LRRC37A2: variants seen among roughly 807,000 people sequenced by gnomAD.
The protein encoded by LRRC37A2 is leucine-rich repeat-containing protein 37A2.
LRRC37A2 carries 9 observed loss-of-function variants against 68.8 expected under a neutral mutation model. That is an observed-to-expected ratio of 0.13 (90% CI 0.08 to 0.23). The LOEUF is 0.23. Ranked by LOEUF, LRRC37A2 falls within the 10% of genes least tolerant of loss-of-function variation. The pLI is 1.00. For missense variants in LRRC37A2, 168 were observed against 950.4 expected, an observed-to-expected ratio of 0.18 and a Z score of 10.82; for synonymous variants, 63 against 367.6, an observed-to-expected ratio of 0.17 and a Z score of 9.48.
the LRRC37A2 span, among the ~76,000 whole-genome samples, chr17:46,610,304 T>G: frequency 1.4e-5 from 1 of 70,118 alleles, no homozygotes; most frequent in Non-Finnish European, 3.0e-5. Context: ...AACTGGAATC[T>G]CAGCTGTCTT....
chr17:46,717,131 C>T, the LRRC37A2 span, among the ~76,000 whole-genome samples: 1 of 152,124 alleles, frequency 6.6e-6, no homozygotes, highest in Non-Finnish European at 1.5e-5. Context: ...AAATGTGACA[C>T]ATATACACTG....
the LRRC37A2 span, among the ~76,000 whole-genome samples, chr17:46,631,061 T>TACGTACACACACAC: frequency 8.1e-6 from 1 of 122,772 alleles, no homozygotes; most frequent in Non-Finnish European, 1.6e-5. Flanking sequence ...TCTCTCTCTG[T>TACGTACACACACAC]ACACACACAC....
chr17:46,726,248 G>A, the LRRC37A2 span, among the ~76,000 whole-genome samples: 1 of 152,148 alleles, frequency 6.6e-6, no homozygotes, highest in African/African-American at 2.4e-5. Context: ...CTAAAGTCCT[G>A]CTCCTGACAC....
At chr17:46,916,336 C>T in the LRRC37A2 span, among the ~76,000 whole-genome samples, 1 of 152,172 alleles carries the variant, frequency 6.6e-6, no homozygotes, top group South Asian at 2.1e-4. Context: ...CTTCTTGCTC[C>T]ACCCATGGGC....
At chr17:46,844,476 A>G in the LRRC37A2 span, among the ~76,000 whole-genome samples, 3 of 152,146 alleles carry the variant, frequency 2.0e-5, no homozygotes, top group Non-Finnish European at 4.4e-5. Flanking sequence ...CAGTCAGGAC[A>G]CAGTTAATGA....
the LRRC37A2 span, among the ~76,000 whole-genome samples, chr17:46,762,183 C>G: frequency 1.2e-4 from 18 of 152,298 alleles, no homozygotes; most frequent in African/African-American, 4.3e-4. Context: ...TGGCCTTGGG[C>G]CACATCTTTT....
chr17:46,492,689 GTTTTTTTTTTTTTT>G, the LRRC37A2 span, among the ~76,000 whole-genome samples: 5 of 107,840 alleles, frequency 4.6e-5, no homozygotes, highest in Admixed American at 9.5e-5. Flanking sequence ...GTTTTGTTTT[GTTTTTTTTTTTTTT>G]TTTTTTTTGA....
At chr17:46,759,448 A>G in the LRRC37A2 span, among the ~76,000 whole-genome samples, 1 of 152,220 alleles carries the variant, frequency 6.6e-6, no homozygotes, top group Non-Finnish European at 1.5e-5. Context: ...CCAAGGAGGG[A>G]TCATGTTTGA....
chr17:46,502,246 A>G, the LRRC37A2 span, among the ~76,000 whole-genome samples: 1 of 151,060 alleles, frequency 6.6e-6, no homozygotes, highest in Non-Finnish European at 1.5e-5. Context: ...AGATTTATTT[A>G]CTTACTGAAC....
the LRRC37A2 span, chr17:47,017,952 CCTT>C: frequency 6.3e-7 from 1 of 1,589,738 alleles, no homozygotes; most frequent in Non-Finnish European, 8.6e-7. Context: ...TGAGGAAGAA[CCTT>C]CTTCAATGCA....
chr17:46,937,852 T>C, the LRRC37A2 span: 1 of 152,604 alleles, frequency 6.6e-6, no homozygotes, highest in East Asian at 1.9e-4. Flanking sequence ...AGTGACACCA[T>C]TGTTTTCAGT....
the LRRC37A2 span, among the ~76,000 whole-genome samples, chr17:46,805,126 A>G: frequency 5.3e-5 from 8 of 152,122 alleles, no homozygotes; most frequent in African/African-American, 1.4e-4. Flanking sequence ...AACTCCAGAC[A>G]CAGGAAGATT....
the LRRC37A2 span, chr17:46,713,744 G>A: frequency 1.1e-6 from 1 of 926,356 alleles, no homozygotes; most frequent in Non-Finnish European, 1.6e-6. Flanking sequence ...AAATGTTAAT[G>A]AGCAACTAGT....
At chr17:46,923,231 G>T in the LRRC37A2 span, 1 of 1,550,956 alleles carries the variant, frequency 6.4e-7, no homozygotes, top group Non-Finnish European at 8.7e-7. Context: ...AGTGAGGGCC[G>T]GTCGGGGAGC....
At chr17:46,626,047 T>A in the LRRC37A2 span, among the ~76,000 whole-genome samples, 19 of 148,418 alleles carry the variant, frequency 1.3e-4, 1 homozygote, top group Non-Finnish European at 2.1e-4. Context: ...AGCACAAAAT[T>A]TTTTAAAACA....
chr17:46,703,680 C>CAAAAAAAAAAAA, the LRRC37A2 span, among the ~76,000 whole-genome samples: 6 of 37,604 alleles, frequency 1.6e-4, no homozygotes, highest in Non-Finnish European at 2.5e-4. Flanking sequence ...GACTCCGTCT[C>CAAAAAAAAAAAA]AAAAAAAAAA....
chr17:46,499,337 G>C, the LRRC37A2 span, among the ~76,000 whole-genome samples: 22 of 139,606 alleles, frequency 1.6e-4, no homozygotes, highest in Middle Eastern at 3.7e-3. Flanking sequence ...AAAAAAAAAG[G>C]TGGGGGGACA....
chr17:46,930,427 C>G, the LRRC37A2 span: 1 of 152,220 alleles, frequency 6.6e-6, no homozygotes, highest in Non-Finnish European at 1.5e-5. Flanking sequence ...GGAAAGAGGT[C>G]ATTTTGACTG....
chr17:46,717,833 A>G, the LRRC37A2 span, among the ~76,000 whole-genome samples: 6 of 152,194 alleles, frequency 3.9e-5, no homozygotes, highest in Non-Finnish European at 7.3e-5. Context: ...ACGCTTAACA[A>G]CTTTGACAAG....
Sources: allele counts gnomAD v4.1 joint callset (sites outside exome capture counted in the v4.1 genomes callset), GRCh38; gene constraint gnomAD v4.1.1; transcripts MANE v1.5; gene names NCBI Gene and HGNC (gene_info 2026-07-23, HGNC 2026-07-21).